The following WDPCP variants were observed in gnomAD, a reference collection of about 807,000 sequenced individuals.
The protein encoded by WDPCP is WD repeat-containing and planar cell polarity effector protein fritz homolog.
Under a neutral mutation model 93.1 loss-of-function variants are expected in WDPCP, and 71 were observed. That is an observed-to-expected ratio of 0.76 (90% CI 0.63 to 0.93). The LOEUF is 0.93. WDPCP is among the 40% of genes least tolerant of loss of function. The probability of loss-of-function intolerance (pLI) is 0.00; values close to 1 mark genes in which losing one functional copy is unlikely to be tolerated. For synonymous variants in WDPCP, 315 were observed against 315.0 expected (o/e 1.00, Z 0.00); for missense variants, 844 against 887.4 (o/e 0.95, Z 0.62).
intron 3 of WDPCP, among the ~76,000 whole-genome samples, chr2:63,618,459 T>C (rs1055125437): frequency 6.6e-5 from 10 of 152,128 alleles, no homozygotes; most frequent in African/African-American, 2.2e-4. Flanking sequence ...TGTTAAGCAT[T>C]TTCTTTTTCT....
At chr2:63,588,645 C>T, upstream of WDPCP, 1 of 487,340 alleles carries the variant, frequency 2.1e-6, no homozygotes, top group South Asian at 2.1e-5. Context: ...GTGATTCTCC[C>T]CTCCCTAGAG....
intron 3 of WDPCP, among the ~76,000 whole-genome samples, chr2:63,603,208 G>T (rs371249432): frequency 5.2e-4 from 79 of 152,030 alleles, no homozygotes; most frequent in African/African-American, 1.9e-3. Context: ...CTCCCACCTC[G>T]GCCTCCCAAA....
rs1167907161 is a variant in WDPCP, at chr2:63,776,247, C to T, written n.308+37375G>A. On this transcript the variant is annotated intron_variant and non_coding_transcript_variant, in intron 2 of 4. Coordinates refer to the WDPCP transcript ENST00000467687. Reference sequence around the variant, plus strand: ...AAGAAAATATTTGCAAATCACACCTCAGATAAAGGAATTGTATCCAGAATA... The same window carrying T: ...AAGAAAATATTTGCAAATCACACCTTAGATAAAGGAATTGTATCCAGAATA... Among the ~76,000 whole-genome samples the T allele has an allele frequency of 2.0e-5, 3 of 151,050 alleles. No individual in the cohort carries two copies. In the South Asian group the frequency reaches 6.3e-4, roughly 32 times the overall value.
At chr2:63,582,631 T>C (rs1054567464) in intron 1 of WDPCP, among the ~76,000 whole-genome samples, 1 of 151,742 alleles carries the variant, frequency 6.6e-6, no homozygotes, top group Non-Finnish European at 1.5e-5. Context: ...CATAATGAAA[T>C]TACTCAAAAC....
intron 1 of WDPCP, among the ~76,000 whole-genome samples, chr2:63,547,689 C>T (rs1484596240): frequency 6.7e-6 from 1 of 149,828 alleles, no homozygotes; most frequent in Non-Finnish European, 1.5e-5. Flanking sequence ...GTGAAGTAAG[C>T]CAAGCAGAGA....
At chr2:63,787,670 C>A (rs796204692) in intron 2 of WDPCP, among the ~76,000 whole-genome samples, 1 of 152,118 alleles carries the variant, frequency 6.6e-6, no homozygotes, top group African/African-American at 2.4e-5. Flanking sequence ...AATCCACTTT[C>A]TGTCAATTAA....
At chr2:63,684,457 C>A in intron 2 of WDPCP, 1 of 807,620 alleles carries the variant, frequency 1.2e-6, no homozygotes, top group South Asian at 1.3e-5. Context: ...GCTACCCCCG[C>A]AAAGTGATAG....
chr2:63,419,905 TTATTTTTTGCTATTACA>T (rs1253084758), intron 9 of WDPCP, among the ~76,000 whole-genome samples: 1 of 152,206 alleles, frequency 6.6e-6, no homozygotes, highest in Non-Finnish European at 1.5e-5. Context: ...AATGTTTCGA[TTATTTTTTGCTATTACA>T]TATTTTTTGC....
chr2:63,605,479 T>A, intron 3 of WDPCP: 1 of 973,488 alleles, frequency 1.0e-6, no homozygotes, highest in Non-Finnish European at 1.6e-6. Flanking sequence ...GCCTTAGCAG[T>A]CAGTCAGGTT....
chr2:63,784,905 T>C (rs1211388563), intron 2 of WDPCP, among the ~76,000 whole-genome samples: 1 of 152,202 alleles, frequency 6.6e-6, no homozygotes, highest in East Asian at 1.9e-4. Flanking sequence ...GTTTCATCTC[T>C]GAAAACTTCA....
chr2:63,151,482 C>T (rs558313887), intron 17 of WDPCP, among the ~76,000 whole-genome samples: 4 of 152,250 alleles, frequency 2.6e-5, no homozygotes, highest in East Asian at 3.9e-4. Flanking sequence ...TCCTTAGCTT[C>T]GCAAAGTGCT....
intron 14 of WDPCP, among the ~76,000 whole-genome samples, chr2:63,241,402 G>A (rs1292454463): frequency 6.6e-6 from 1 of 152,108 alleles, no homozygotes; most frequent in Admixed American, 6.6e-5. Flanking sequence ...ACCCTGTAAT[G>A]CACAGTGTAG....
chr2:63,550,021 G>A (rs1867847), intron 1 of WDPCP, among the ~76,000 whole-genome samples: 122,239 of 151,774 alleles, frequency 0.81, 49,868 homozygotes, highest in East Asian at 0.98. Context: ...ACTTCCTTCC[G>A]CTCTGTCTTA....
chr2:63,814,255 G>T (rs1281374460), intron 1 of WDPCP, among the ~76,000 whole-genome samples: 1 of 151,898 alleles, frequency 6.6e-6, no homozygotes, highest in African/African-American at 2.4e-5. Flanking sequence ...CTCCTTTATA[G>T]CTAGAGATAG....
rs185611198 is a variant in WDPCP at position 63,696,468 on chromosome 2, C to A, written n.309-45630G>T. Among the ~76,000 whole-genome samples the A allele has an allele frequency of 2.0e-4, 30 of 152,268 alleles. No individual in the cohort carries two copies. The East Asian group carries it at 5.6e-3, about 28-fold the overall frequency. The stretch of plus-strand genomic sequence containing the variant: ...TCATTATCATTACCATAACTAAGGA[C>A]AGAAACCAGAAGGGGTCCCTTCCCC... On this transcript the variant is annotated intron_variant and non_coding_transcript_variant, in intron 2 of 4. Transcript: ENST00000467687.
At chr2:63,480,857 A>C (rs1700224855) in intron 6 of WDPCP, among the ~76,000 whole-genome samples, 1 of 152,210 alleles carries the variant, frequency 6.6e-6, no homozygotes. Context: ...ACCCAAAAGC[A>C]AATGCAATAA....
At chr2:63,580,776 G>C (rs534196688) in intron 1 of WDPCP, among the ~76,000 whole-genome samples, 1 of 152,296 alleles carries the variant, frequency 6.6e-6, no homozygotes, top group African/African-American at 2.4e-5. Flanking sequence ...GAGTATATTA[G>C]ATACTTGTAC....
intron 6 of WDPCP, among the ~76,000 whole-genome samples, chr2:63,451,171 T>C (rs1374396212): frequency 6.6e-6 from 1 of 151,026 alleles, no homozygotes; most frequent in African/African-American, 2.4e-5. Context: ...CAAAGAGAAA[T>C]ACAGAAACTG....
intron 2 of WDPCP, among the ~76,000 whole-genome samples, chr2:63,809,576 C>A (rs895859575): frequency 6.6e-6 from 1 of 152,196 alleles, no homozygotes; most frequent in Non-Finnish European, 1.5e-5. Context: ...AAGAAAAATT[C>A]TTCTGCCTTG....
Sources: allele counts gnomAD v4.1 joint callset (sites outside exome capture counted in the v4.1 genomes callset), GRCh38; gene constraint gnomAD v4.1.1; transcripts MANE v1.5; gene names NCBI Gene and HGNC (gene_info 2026-07-23, HGNC 2026-07-21).